LYPD6: variants seen among roughly 807,000 people sequenced by gnomAD.
The protein encoded by LYPD6 is LY6/PLAUR domain containing 6.
In LYPD6, 15 loss-of-function variants were observed where a neutral mutation model predicts 22.7. The ratio of observed to expected loss-of-function variants is 0.66; its 90% confidence interval spans 0.44 to 1.02. LYPD6 has a LOEUF of 1.02. LYPD6 is among the 50% of genes least tolerant of loss of function. The probability of loss-of-function intolerance (pLI) is 0.00; values close to 1 mark genes in which losing one functional copy is unlikely to be tolerated. For missense variants in LYPD6, 189 were observed against 208.4 expected (o/e 0.91, Z 0.57); for synonymous variants, 72 against 77.5 (o/e 0.93, Z 0.37).
intron 1 of LYPD6, among the ~76,000 whole-genome samples, chr2:149,404,091 T>C (rs554409333): frequency 6.6e-6 from 1 of 152,322 alleles, no homozygotes; most frequent in African/African-American, 2.4e-5. Flanking sequence ...CATTGATCTA[T>C]ATCTCTGTTT....
intron 1 of LYPD6, among the ~76,000 whole-genome samples, chr2:149,404,499 T>C (rs148417443): frequency 0.012 from 1,826 of 152,302 alleles, 35 homozygotes; most frequent in African/African-American, 0.041. Flanking sequence ...GAAGCAGTTG[T>C]GAATGGGAGT....
intron 1 of LYPD6, among the ~76,000 whole-genome samples, chr2:149,333,048 G>A (rs1250782401): frequency 2.6e-5 from 4 of 152,066 alleles, no homozygotes; most frequent in African/African-American, 4.8e-5. Context: ...CTCTGTAGAC[G>A]ATTAACAATA....
intron 3 of LYPD6, among the ~76,000 whole-genome samples, chr2:149,463,443 A>G (rs1558817006): frequency 6.6e-6 from 1 of 152,202 alleles, no homozygotes; most frequent in Non-Finnish European, 1.5e-5. Context: ...GGAATATAAA[A>G]TGTTACAGCC....
chr2:149,477,107 C>T (rs1002130994), downstream of LYPD6, among the ~76,000 whole-genome samples: 4 of 152,136 alleles, frequency 2.6e-5, no homozygotes, highest in African/African-American at 9.7e-5. Context: ...TGGGTTTATC[C>T]CTACCTTTAA....
At chr2:149,400,457 C>T (rs1021833167) in intron 1 of LYPD6, among the ~76,000 whole-genome samples, 4 of 152,158 alleles carry the variant, frequency 2.6e-5, no homozygotes, top group African/African-American at 9.7e-5. Context: ...GGTGTGTTTA[C>T]AGTTCAGTGT....
intron 1 of LYPD6, among the ~76,000 whole-genome samples, chr2:149,393,944 A>G (rs1038980393): frequency 1.3e-5 from 2 of 152,168 alleles, no homozygotes; most frequent in Non-Finnish European, 2.9e-5. Flanking sequence ...CCAAGGTGCC[A>G]GATGAGACTG....
At chr2:149,446,981 T>G (rs1024187195) in intron 2 of LYPD6, among the ~76,000 whole-genome samples, 3 of 152,190 alleles carry the variant, frequency 2.0e-5, no homozygotes, top group African/African-American at 7.2e-5. Context: ...CTGAGATGAT[T>G]ATTTCCGCCA....
At position 149,352,922 on chromosome 2, in the gene LYPD6, A is replaced by G. The variant is rs147450115; in HGVS notation, c.-72+22200A>G. Among the ~76,000 whole-genome samples the G allele has an allele frequency of 2.6e-5, 4 of 152,340 alleles. No individual in the cohort carries two copies. In the East Asian group the frequency reaches 7.7e-4, roughly 29 times the overall value. The stretch of plus-strand genomic sequence containing the variant: ...AGATGTGAACTTTCGGTTGGGCCTT[A>G]AAAGAAAACGCTTGCTGGTCCTGGC... On this transcript the variant is annotated intron_variant, in intron 1 of 4. Coordinates refer to ENST00000334166, the MANE Select transcript of LYPD6 (RefSeq NM_194317.5).
intron 1 of LYPD6, among the ~76,000 whole-genome samples, chr2:149,423,909 T>C (rs1445139056): frequency 1.3e-5 from 2 of 152,152 alleles, no homozygotes; most frequent in Non-Finnish European, 1.5e-5. Context: ...TGCACAGTAT[T>C]TCCCATGGAT....
intron 1 of LYPD6, among the ~76,000 whole-genome samples, chr2:149,344,745 G>A (rs1414414030): frequency 6.6e-6 from 1 of 152,166 alleles, no homozygotes; most frequent in African/African-American, 2.4e-5. Context: ...TTGTGGGAGT[G>A]GGTGCGGGAG....
At chr2:149,480,986 G>A in the LYPD6 span, among the ~76,000 whole-genome samples, 1 of 152,164 alleles carries the variant, frequency 6.6e-6, no homozygotes, top group African/African-American at 2.4e-5. Context: ...TCCCCTCTCT[G>A]TTCAAGCCTG....
At chr2:149,388,297 G>A (rs143090926) in intron 1 of LYPD6, among the ~76,000 whole-genome samples, 81 of 152,022 alleles carry the variant, frequency 5.3e-4, no homozygotes, top group African/African-American at 1.9e-3. Context: ...ATACAAGGGC[G>A]CAGGGTTAGC....
intron 1 of LYPD6, among the ~76,000 whole-genome samples, chr2:149,360,520 C>T (rs1339045975): frequency 2.0e-5 from 3 of 152,104 alleles, no homozygotes; most frequent in East Asian, 1.9e-4. Flanking sequence ...AGCTAGTCAT[C>T]GAGTCCTGTT....
At chr2:149,418,476 TTAAAA>T (rs1683012048) in intron 1 of LYPD6, among the ~76,000 whole-genome samples, 1 of 150,772 alleles carries the variant, frequency 6.6e-6, no homozygotes, top group Non-Finnish European at 1.5e-5. Context: ...ACATGGCCCT[TTAAAA>T]TAACCTACAT....
At chr2:149,411,574 G>A (rs1682849505) in intron 1 of LYPD6, among the ~76,000 whole-genome samples, 1 of 152,170 alleles carries the variant, frequency 6.6e-6, no homozygotes, top group South Asian at 2.1e-4. Context: ...TGGGTTGGCA[G>A]TGTGGGGTGC....
intron 4 of LYPD6, among the ~76,000 whole-genome samples, chr2:149,469,386 A>G (rs936934623): frequency 6.6e-6 from 1 of 152,160 alleles, no homozygotes; most frequent in Non-Finnish European, 1.5e-5. Flanking sequence ...CATATGGACA[A>G]TCACAGAAAG....
At chr2:149,431,600 T>G (rs1683313968) in intron 1 of LYPD6, among the ~76,000 whole-genome samples, 1 of 152,186 alleles carries the variant, frequency 6.6e-6, no homozygotes, top group Non-Finnish European at 1.5e-5. Context: ...GAATAAACAG[T>G]CCTGCCCATC....
At chr2:149,379,590 G>A (rs549781174) in intron 1 of LYPD6, among the ~76,000 whole-genome samples, 1 of 152,292 alleles carries the variant, frequency 6.6e-6, no homozygotes, top group African/African-American at 2.4e-5. Context: ...TTGGGTGGGT[G>A]CTTCAGTTCT....
chr2:149,479,632 C>T, the LYPD6 span, among the ~76,000 whole-genome samples: 1 of 152,260 alleles, frequency 6.6e-6, no homozygotes, highest in African/African-American at 2.4e-5. Flanking sequence ...ACTTCACCTC[C>T]CAGGTCTAAT....
Sources: allele counts gnomAD v4.1 joint callset (sites outside exome capture counted in the v4.1 genomes callset), GRCh38; gene constraint gnomAD v4.1.1; transcripts MANE v1.5; gene names NCBI Gene and HGNC (gene_info 2026-07-23, HGNC 2026-07-21).